DROSHA: variants seen among roughly 807,000 people sequenced by gnomAD.
The protein encoded by DROSHA is drosha ribonuclease III.
Under a neutral mutation model 181.9 loss-of-function variants are expected in DROSHA, and 56 were observed. The observed-to-expected ratio is 0.31, with a 90% CI of 0.25 to 0.38. The LOEUF (loss-of-function observed/expected upper bound fraction) is 0.38. Ranked by LOEUF, DROSHA falls within the 10% of genes least tolerant of loss-of-function variation. The pLI is 1.00. For missense variants in DROSHA, 1,218 were observed against 1,743.5 expected (o/e 0.70, Z 5.37); for synonymous variants, 524 against 591.2 (o/e 0.89, Z 1.65).
At chr5:31,433,539 G>A (rs750284437) in intron 25 of DROSHA, among the ~76,000 whole-genome samples, 10 of 151,974 alleles carry the variant, frequency 6.6e-5, no homozygotes, top group Non-Finnish European at 1.3e-4. Flanking sequence ...GCACGCATTA[G>A]CACAACTTCT....
At chr5:31,425,609 G>C (rs1435169989) in intron 27 of DROSHA, among the ~76,000 whole-genome samples, 2 of 151,876 alleles carry the variant, frequency 1.3e-5, no homozygotes, top group Non-Finnish European at 2.9e-5. Context: ...TACTACTTCA[G>C]TTTGGATTAC....
chr5:31,443,578 C>T (rs933057401), intron 23 of DROSHA, among the ~76,000 whole-genome samples: 15 of 152,264 alleles, frequency 9.9e-5, no homozygotes, highest in Middle Eastern at 3.4e-3. Context: ...GGTGGTTAAA[C>T]AGTGACATTT....
chr5:31,513,328 C>T (rs1222677338), intron 8 of DROSHA, among the ~76,000 whole-genome samples: 1 of 152,204 alleles, frequency 6.6e-6, no homozygotes, highest in Non-Finnish European at 1.5e-5. Flanking sequence ...GAACACCAGC[C>T]ATGGCCTCCC....
chr5:31,437,331 A>C (rs1744972467), intron 23 of DROSHA, 33 bp from the exon 24 acceptor site: 2 of 1,542,392 alleles, frequency 1.3e-6, no homozygotes, highest in Non-Finnish European at 1.8e-6. Context: ...TACTTAATAC[A>C]GCATATTAAC....
At chr5:31,472,300 C>A in intron 16 of DROSHA, 68 bp from the exon 17 acceptor site, 2 of 1,473,642 alleles carry the variant, frequency 1.4e-6, no homozygotes, top group Admixed American at 2.4e-5. Flanking sequence ...AAATCAACAA[C>A]TGAATAAGGA....
At chr5:31,499,406 C>T (rs141854327) in intron 11 of DROSHA, among the ~76,000 whole-genome samples, 1 of 152,272 alleles carries the variant, frequency 6.6e-6, no homozygotes, top group Non-Finnish European at 1.5e-5. Flanking sequence ...TGTTTTGGAG[C>T]TCAATCGCCT....
intron 4 of DROSHA, among the ~76,000 whole-genome samples, chr5:31,527,226 G>A (rs1740701078): frequency 6.6e-6 from 1 of 152,114 alleles, no homozygotes; most frequent in East Asian, 1.9e-4. Flanking sequence ...TTGCTGTCAT[G>A]CCTTTGCTCA....
intron 17 of DROSHA, 37 bp from the exon 18 acceptor site, chr5:31,468,100 A>T: frequency 1.3e-6 from 2 of 1,591,606 alleles, no homozygotes; most frequent in Non-Finnish European, 1.7e-6. Flanking sequence ...TTCCCATAAG[A>T]AGTCTTTATG....
intron 23 of DROSHA, among the ~76,000 whole-genome samples, chr5:31,439,870 A>G (rs1745359819): frequency 6.6e-6 from 1 of 152,156 alleles, no homozygotes; most frequent in African/African-American, 2.4e-5. Flanking sequence ...CGCAGAGCCC[A>G]TGGGGCCTGA....
chr5:31,490,123 G>A (rs890554162), intron 13 of DROSHA, among the ~76,000 whole-genome samples: 2 of 151,158 alleles, frequency 1.3e-5, no homozygotes, highest in Admixed American at 1.3e-4. Flanking sequence ...TGATCTGCCC[G>A]CCTCAGCCTC....
At chr5:31,466,871 A>G (rs1749077116) in intron 18 of DROSHA, among the ~76,000 whole-genome samples, 1 of 152,198 alleles carries the variant, frequency 6.6e-6, no homozygotes, top group Admixed American at 6.5e-5. Context: ...GCAGCCAAAT[A>G]AGTGATAACC....
chr5:31,461,009 A>G (rs1748343855), intron 20 of DROSHA, among the ~76,000 whole-genome samples: 1 of 152,192 alleles, frequency 6.6e-6, no homozygotes, highest in South Asian at 2.1e-4. Context: ...GGCCAAATAA[A>G]CAATAAAAAA....
rs1739939173 is a variant in DROSHA, at chr5:31,400,927, C to T, written c.*505G>A. The stretch of plus-strand genomic sequence containing the variant: ...ACGGATTCCTTCTACAAAACACTCA[C>T]TGCTTAGAGAGAGGTAAGTTCAATA... On this transcript the variant is annotated 3_prime_UTR_variant, in exon 36 of 36. Transcript: ENST00000344624. 1.2e-5 allele frequency: 2 copies of T among 160,776 alleles called. No homozygotes were observed. The highest frequency in any genetic ancestry group is 2.4e-5 in the African/African-American group (1 of 41,510). The allele number at this position is 160,776 out of a possible 1,614,324, so 10.0% of individuals were successfully genotyped here.
At chr5:31,472,974 G>A (rs533123118) in intron 16 of DROSHA, among the ~76,000 whole-genome samples, 1 of 152,220 alleles carries the variant, frequency 6.6e-6, no homozygotes, top group Admixed American at 6.5e-5. Context: ...TTAATGTGGG[G>A]TCCACAGGCT....
intron 13 of DROSHA, chr5:31,488,942 C>G (rs1186273740): frequency 6.6e-6 from 1 of 152,162 alleles, no homozygotes; most frequent in Non-Finnish European, 1.5e-5. Context: ...CGTAAGTGAC[C>G]AACTAGGTCA....
Position 31,526,485 on chromosome 5 carries a change from A to C in DROSHA, c.448T>G (p.Ser150Ala). ...GTFPFMMPPP[S>A]MPHPPPPPVM... ...GGAGGGGGCGGGGGATGAGGCATGGAGGGAGGGGGCATCATGAAGGGGAAA... is the reference window on the plus strand; with the variant it reads ...GGAGGGGGCGGGGGATGAGGCATGGCGGGAGGGGGCATCATGAAGGGGAAA... Residue 150 changes from serine (S) to alanine (A), a missense_variant, in exon 5 of 36, where the codon TCC becomes GCC. Physicochemically the swap from Ser to Ala is moderately conservative, Grantham distance 99. This residue lies in a region of DROSHA where 536 missense variants were observed against 535.4 expected (regional missense o/e 1.00). Coordinates refer to ENST00000344624, the MANE Select transcript of DROSHA (RefSeq NM_001382508.1). 2 of 1,339,362 alleles carry C rather than the reference A, an allele frequency of 1.5e-6. No individual in the cohort carries two copies. The highest frequency in any genetic ancestry group is 2.1e-6 in the Non-Finnish European group (2 of 960,824). 83.0% of individuals were successfully genotyped at this position (1,339,362 alleles called of 1,614,324 possible).
rs1242658851 is a variant in DROSHA, at chr5:31,411,873, C to A, written c.3526-986G>T. On this transcript the variant is annotated intron_variant, in intron 30 of 35. Coordinates refer to ENST00000344624, the MANE Select transcript of DROSHA (RefSeq NM_001382508.1). The surrounding 1 kb of genome is among the most constrained non-coding windows in gnomAD (Gnocchi z 4.2). ...AACTCCAGAGCTCAAGTGATCCACC[C>A]ACCTTGACCTTTCAAAGTGTTGGGA... Among the ~76,000 whole-genome samples the A allele has an allele frequency of 1.3e-5, 2 of 152,252 alleles. No individual in the cohort carries two copies. Among genetic ancestry groups the A allele is most frequent in the African/African-American group, 4.8e-5 (2 of 41,460 alleles).
intron 16 of DROSHA, among the ~76,000 whole-genome samples, chr5:31,479,819 G>A (rs1750818428): frequency 6.6e-6 from 1 of 151,930 alleles, no homozygotes; most frequent in Non-Finnish European, 1.5e-5. Context: ...TGTTTAGTGA[G>A]CATATATACA....
Position 31,526,306 on chromosome 5 carries a change from T to C in DROSHA, c.627A>G (p.Pro209=). ...SSSPHFRHLP[P]YPLPKAPSER... Reference sequence around the variant, plus strand: ...CACTGGGAGCCTTTGGGAGTGGGTATGGAGGGAGATGTCTGAAATGAGGAC... The same window carrying C: ...CACTGGGAGCCTTTGGGAGTGGGTACGGAGGGAGATGTCTGAAATGAGGAC... The change falls in exon 5 of 36, where the codon CCA becomes CCG. Residue 209 remains proline, a synonymous_variant. Coordinates refer to ENST00000344624, the MANE Select transcript of DROSHA (RefSeq NM_001382508.1). The C allele has an allele frequency of 1.2e-6, 2 of 1,613,708 alleles. No homozygotes were observed. The highest frequency in any genetic ancestry group is 2.2e-5 in the East Asian group (1 of 44,846).
Sources: gnomAD v4.1 joint callset for allele counts (sites outside exome capture counted in the v4.1 genomes callset) on GRCh38, gnomAD v4.1.1 for gene constraint, gnomAD v4.1.1 regional missense constraint, Gnocchi (gnomAD v3.1) non-coding constraint, MANE v1.5 for transcripts, NCBI Gene and HGNC (gene_info 2026-07-23, HGNC 2026-07-21) for gene names.